The following SRPX2 variants were observed in gnomAD, a reference collection of about 807,000 sequenced individuals.
SRPX2 encodes sushi repeat containing protein X-linked 2.
In SRPX2, 26 loss-of-function variants were observed where a neutral mutation model predicts 45.3. That is an observed-to-expected ratio of 0.57 (90% CI 0.42 to 0.80). The LOEUF (loss-of-function observed/expected upper bound fraction) is 0.80, where lower values mean the gene tolerates loss of function less well. SRPX2 is among the 30% of genes least tolerant of loss of function. The pLI is 0.00. For synonymous variants in SRPX2, 125 were observed against 143.7 expected (o/e 0.87, Z 0.93); for missense variants, 355 against 399.8 (o/e 0.89, Z 0.95).
At chrX:100,655,856 T>G (rs1365788121) in intron 3 of SRPX2, among the ~76,000 whole-genome samples, 2 of 8,256 alleles carry the variant, frequency 2.4e-4, no homozygotes, top group African/African-American at 3.3e-4. Context: ...GGTGGGGGAG[T>G]TTTTTTTTTT....
At chrX:100,645,895 A>G (rs1233418914) in intron 1 of SRPX2, among the ~76,000 whole-genome samples, 1 of 111,474 alleles carries the variant, frequency 9.0e-6, no homozygotes, top group East Asian at 2.8e-4. Context: ...AATGAATGAA[A>G]CCTAATGGCA....
chrX:100,650,605 A>G lies in SRPX2; in HGVS notation c.83-180A>G, dbSNP rs1421006275. Among the ~76,000 whole-genome samples, 7 of 111,258 alleles carry G rather than the reference A, an allele frequency of 6.3e-5. No individual in the cohort carries two copies. In the Admixed American group the frequency reaches 6.7e-4, roughly 11 times the overall value. On this transcript the variant is annotated intron_variant, in intron 2 of 10. Transcript: ENST00000373004. ...CTATGCAACTGAGGTGCTGAGATTCACCCACAGTAGTTCTGCTGCCTTACA... is the reference window on the plus strand; with the variant it reads ...CTATGCAACTGAGGTGCTGAGATTCGCCCACAGTAGTTCTGCTGCCTTACA...
chrX:100,647,228 G>A (rs1273362429), intron 2 of SRPX2, among the ~76,000 whole-genome samples: 2 of 112,097 alleles, frequency 1.8e-5, no homozygotes, highest in African/African-American at 3.2e-5. Context: ...GGGGAGTAGT[G>A]GGGGAAGGAG....
Position 100,646,221 on chromosome X carries a change from T to C in SRPX2, c.-102T>C. ...CCATATTTCTGCTTCCCCTCACTTT[T>C]AGAAGTTAATTGATGGCTGACTTCT... On this transcript the variant is annotated 5_prime_UTR_variant, in exon 2 of 11. Coordinates refer to ENST00000373004, the MANE Select transcript of SRPX2 (RefSeq NM_014467.3). 2 of 736,916 alleles carry C rather than the reference T, an allele frequency of 2.7e-6. No homozygotes were observed. The highest frequency in any genetic ancestry group is 3.2e-5 in the East Asian group (1 of 31,600). The allele number at this position is 736,916 out of a possible 1,213,427, so 60.7% of individuals were successfully genotyped here. A position where few individuals can be genotyped will look rare whatever the true frequency, so the allele number is the denominator to read the frequency against.
At chrX:100,666,690 C>T (rs1226899568) in intron 7 of SRPX2, 64 bp from the exon 8 acceptor site, 4 of 1,192,783 alleles carry the variant, frequency 3.4e-6, no homozygotes, top group South Asian at 1.8e-5. Flanking sequence ...AGCATGGGCA[C>T]CCTCTTAGCC....
intron 10 of SRPX2, 40 bp downstream of exon 10, chrX:100,669,409 G>T (rs374270767): frequency 3.6e-6 from 1 of 275,757 alleles, no homozygotes; most frequent in South Asian, 3.6e-5. Context: ...GGGAGGGGGG[G>T]CTGGGGCGGG....
chrX:100,665,821 A>C (rs751089728), intron 7 of SRPX2, among the ~76,000 whole-genome samples, 164 bp downstream of exon 7: 2 of 112,191 alleles, frequency 1.8e-5, no homozygotes, highest in Non-Finnish European at 3.8e-5. Flanking sequence ...CCAGCGTTAC[A>C]TGTGCATACA....
At chrX:100,665,699 T>C (rs767867758) in intron 7 of SRPX2, 42 bp downstream of exon 7, 1 of 1,210,087 alleles carries the variant, frequency 8.3e-7, no homozygotes, top group East Asian at 3.0e-5. Flanking sequence ...TCATTAATCC[T>C]GCTCTACCCT....
Position 100,664,862 on chromosome X carries a change from C to T in SRPX2, c.444C>T (p.Ser148=). Residue 148 remains serine, a synonymous_variant, in exon 5 of 11, where the codon AGC becomes AGT. Coordinates refer to ENST00000373004, the MANE Select transcript of SRPX2 (RefSeq NM_014467.3). ...GVLLDSRCDY[S]CSSGYHLEGD... Reference sequence around the variant, plus strand: ...TTCTTGACTCTCGCTGTGACTACAGCTGTTCCAGTGGCTACCACCTGGAAG... The same window carrying T: ...TTCTTGACTCTCGCTGTGACTACAGTTGTTCCAGTGGCTACCACCTGGAAG... The T allele has an allele frequency of 8.3e-7, 1 of 1,210,795 alleles. No homozygotes were observed. Among genetic ancestry groups the T allele is most frequent in the Non-Finnish European group, 1.1e-6 (1 of 894,997 alleles).
At chrX:100,664,591 T>C (rs1202104798) in intron 4 of SRPX2, among the ~76,000 whole-genome samples, 183 bp from the exon 5 acceptor site, 1 of 111,984 alleles carries the variant, frequency 8.9e-6, no homozygotes, top group Non-Finnish European at 1.9e-5. Context: ...GGTGCTGCTA[T>C]ACTTTATGAA....
At chrX:100,669,672 G>T (rs1456469829) in intron 10 of SRPX2, among the ~76,000 whole-genome samples, 2 of 110,237 alleles carry the variant, frequency 1.8e-5, no homozygotes, top group Admixed American at 9.7e-5. Context: ...CACAGCCAGG[G>T]CTGAGACAGT....
rs186126007 is a variant in SRPX2 at position 100,650,502 on chromosome X, T to A, written c.83-283T>A. On this transcript the variant is annotated intron_variant, in intron 2 of 10. Transcript: ENST00000373004. ...CCAGATTGACAGGATTGATGTATGGTCAGGTTCAATTTTTTTCTTTTAGAT... is the reference window on the plus strand; with the variant it reads ...CCAGATTGACAGGATTGATGTATGGACAGGTTCAATTTTTTTCTTTTAGAT... 5.6e-4 allele frequency among the ~76,000 whole-genome samples: 62 copies of A among 111,505 alleles called. No individual in the cohort carries two copies. The Middle Eastern group carries it at 0.018, about 33-fold the overall frequency.
rs1205176434 is a variant in SRPX2, at chrX:100,670,712, C to T, written c.1218-95C>T. 5.3e-6 allele frequency: 5 copies of T among 948,233 alleles called. No homozygotes were observed. The South Asian group carries it at 5.9e-5, about 11-fold the overall frequency. 78.1% of individuals were successfully genotyped at this position (948,233 alleles called of 1,213,427 possible). Reference sequence around the variant, plus strand: ...GGGATGAGGTGGGGAAGGAATTAGTCCATGAGTGGAGCTGCAAAAAGTCAG... The same window carrying T: ...GGGATGAGGTGGGGAAGGAATTAGTTCATGAGTGGAGCTGCAAAAAGTCAG... On this transcript the variant is annotated intron_variant, in intron 10 of 10. Coordinates refer to ENST00000373004, the MANE Select transcript of SRPX2 (RefSeq NM_014467.3).
intron 3 of SRPX2, among the ~76,000 whole-genome samples, chrX:100,661,933 GTTTTTTT>G (rs771852530): frequency 1.7e-5 from 1 of 59,698 alleles, no homozygotes; most frequent in Non-Finnish European, 3.1e-5. Flanking sequence ...TCGAGGTGGG[GTTTTTTT>G]TTTTTTTTTT....
At chrX:100,669,413 G>GGGA in intron 10 of SRPX2, 44 bp downstream of exon 10, 1 of 341,983 alleles carries the variant, frequency 2.9e-6, no homozygotes, top group Non-Finnish European at 5.4e-6. Flanking sequence ...GGGGGGGCTG[G>GGGA]GGCGGGGGGA....
rs1348475516 is a variant in SRPX2, at chrX:100,674,585, C to T, written c.*3598C>T. 8.9e-6 allele frequency: 1 copy of T among 112,159 alleles called. No individual in the cohort carries two copies. Among genetic ancestry groups the T allele is most frequent in the Non-Finnish European group, 1.9e-5 (1 of 53,168 alleles). The allele number at this position is 112,159 out of a possible 1,213,427, so 9.2% of individuals were successfully genotyped here. A position where few individuals can be genotyped will look rare whatever the true frequency, so the allele number is the denominator to read the frequency against. On this transcript the variant is annotated 3_prime_UTR_variant, in exon 11 of 11. Coordinates refer to ENST00000373004, the MANE Select transcript of SRPX2 (RefSeq NM_014467.3). ...TACAGCCCGGGATCCCAAGTTATGC[C>T]TTCCATTACAATTGCAATCCACACC...
At chrX:100,660,080 C>A (rs1004952972) in intron 3 of SRPX2, among the ~76,000 whole-genome samples, 4 of 111,909 alleles carry the variant, frequency 3.6e-5, no homozygotes, top group African/African-American at 1.3e-4. Flanking sequence ...TCCTAAGAAG[C>A]CTTCTTCCTT....
chrX:100,664,966 T>C lies in SRPX2; in HGVS notation c.532+16T>C. ...GTATGTGTAGGTAAATGCTGGTTGC[T>C]CCCAGTTGTCCTGGTGCAAAGAGCC... On this transcript the variant is annotated intron_variant, in intron 5 of 10. Coordinates refer to ENST00000373004, the MANE Select transcript of SRPX2 (RefSeq NM_014467.3). 8.3e-7 allele frequency: 1 copy of C among 1,207,026 alleles called. No individual in the cohort carries two copies. Among genetic ancestry groups the C allele is most frequent in the Non-Finnish European group, 1.1e-6 (1 of 893,313 alleles).
At chrX:100,645,998 G>A (rs978219458) in intron 1 of SRPX2, 195 bp from the exon 2 acceptor site, 15 of 282,371 alleles carry the variant, frequency 5.3e-5, no homozygotes, top group African/African-American at 4.1e-4. Context: ...TCTATAACTT[G>A]GACCATGAAG....
Sources: allele counts gnomAD v4.1 joint callset (sites outside exome capture counted in the v4.1 genomes callset), GRCh38; gene constraint gnomAD v4.1.1; transcripts MANE v1.5; gene names NCBI Gene and HGNC (gene_info 2026-07-23, HGNC 2026-07-21).